Variants in IPO11 observed in about 807,000 individuals in gnomAD.
The protein encoded by IPO11 is importin 11.
A neutral mutation model predicts 143.2 loss-of-function variants in IPO11; 66 were observed. That is an observed-to-expected ratio of 0.46 (90% confidence interval 0.38 to 0.57). The LOEUF is 0.57. IPO11 is among the 20% of genes least tolerant of loss of function. IPO11 has a pLI of 0.00. For synonymous variants in IPO11, 385 were observed against 377.8 expected, an observed-to-expected ratio of 1.02 and a Z score of -0.22; for missense variants, 1,026 against 1,141.0, an observed-to-expected ratio of 0.90 and a Z score of 1.45.
chr5:62,454,854 ATTC>A (rs1261430223), intron 5 of IPO11, among the ~76,000 whole-genome samples: 1 of 151,994 alleles, frequency 6.6e-6, no homozygotes, highest in Non-Finnish European at 1.5e-5. Flanking sequence ...CAGGAGACTT[ATTC>A]TTATTAGATG....
At chr5:62,532,106 G>T (rs1314847475) in intron 22 of IPO11, among the ~76,000 whole-genome samples, 1 of 152,134 alleles carries the variant, frequency 6.6e-6, no homozygotes, top group Non-Finnish European at 1.5e-5. Context: ...ACATTCAGCT[G>T]CTTCCACATA....
intron 19 of IPO11, 101 bp downstream of exon 19, chr5:62,506,458 A>G (rs1741558645): frequency 9.4e-6 from 6 of 641,480 alleles, no homozygotes; most frequent in South Asian, 2.2e-5. Context: ...TAAAACATTA[A>G]TTGAAATGCT....
chr5:62,616,896 T>C (rs562910520), intron 29 of IPO11, among the ~76,000 whole-genome samples: 2 of 152,272 alleles, frequency 1.3e-5, no homozygotes, highest in African/African-American at 2.4e-5. Context: ...CTATAAATTA[T>C]TGATACACCA....
chr5:62,450,038 T>G, intron 4 of IPO11, 39 bp downstream of exon 4: 1 of 1,355,604 alleles, frequency 7.4e-7, no homozygotes, highest in Non-Finnish European at 1.0e-6. Flanking sequence ...TTTTTATTTG[T>G]ACTGCTTTTC....
rs78923587 is a variant in IPO11 at position 62,451,097 on chromosome 5, A to G, written c.313-633A>G. Among the ~76,000 whole-genome samples, 1,200 of 152,302 alleles carry G rather than the reference A, an allele frequency of 7.9e-3. 20 individuals carry two copies. Among genetic ancestry groups the G allele is most frequent in the African/African-American group, 0.027 (1,136 of 41,546 alleles). On this transcript the variant is annotated intron_variant, in intron 4 of 29. Coordinates refer to ENST00000325324, the MANE Select transcript of IPO11 (RefSeq NM_016338.5). ...CTGCCTAATTGTTCTTTCAGCTAGC[A>G]TTTGGGAAACACTGATATGTAGAAA...
intron 5 of IPO11, among the ~76,000 whole-genome samples, chr5:62,464,347 G>T (rs1395590976): frequency 6.6e-6 from 1 of 151,572 alleles, no homozygotes; most frequent in African/African-American, 2.4e-5. Flanking sequence ...CACGATGTTG[G>T]CCAGGATGGT....
At chr5:62,612,985 T>C (rs1580388028) in intron 29 of IPO11, among the ~76,000 whole-genome samples, 1 of 152,258 alleles carries the variant, frequency 6.6e-6, no homozygotes, top group African/African-American at 2.4e-5. Context: ...TGATAGATTA[T>C]ACCAAATTGC....
intron 27 of IPO11, among the ~76,000 whole-genome samples, chr5:62,565,184 A>ATT (rs1743891458): frequency 6.6e-6 from 1 of 152,200 alleles, no homozygotes; most frequent in Non-Finnish European, 1.5e-5. Flanking sequence ...AAATGGACCT[A>ATT]AAGAAATAAC....
intron 16 of IPO11, among the ~76,000 whole-genome samples, chr5:62,500,437 A>C (rs1741309085): frequency 6.6e-6 from 1 of 152,218 alleles, no homozygotes; most frequent in Non-Finnish European, 1.5e-5. Context: ...ATAAGCCAGT[A>C]ACGTAGTTGC....
At chr5:62,462,725 C>T (rs1745407103) in intron 5 of IPO11, among the ~76,000 whole-genome samples, 1 of 152,006 alleles carries the variant, frequency 6.6e-6, no homozygotes, top group Non-Finnish European at 1.5e-5. Context: ...AAATCTGACA[C>T]AATTTCAAAA....
At position 62,487,323 on chromosome 5, in the gene IPO11, G is replaced by A. The variant is rs184638919; in HGVS notation, c.1219-448G>A. 1.3e-3 allele frequency among the ~76,000 whole-genome samples: 198 copies of A among 152,132 alleles called. 1 individual carries two copies. The highest frequency in any genetic ancestry group is 4.3e-3 in the African/African-American group (177 of 41,484). ...AAGCAGGGGAATCGCTTGAACCTGG[G>A]AGGTGGAGGTTGCAGTGAGCCGAAA... On this transcript the variant is annotated intron_variant, in intron 12 of 29. Coordinates refer to ENST00000325324, the MANE Select transcript of IPO11 (RefSeq NM_016338.5).
intron 26 of IPO11, among the ~76,000 whole-genome samples, chr5:62,553,964 C>T (rs566037460): frequency 7.2e-5 from 11 of 152,260 alleles, no homozygotes; most frequent in African/African-American, 2.4e-4. Flanking sequence ...CTCCTGACCT[C>T]AGGTGATCTG....
intron 2 of IPO11, among the ~76,000 whole-genome samples, chr5:62,442,033 A>G (rs1744502110): frequency 6.6e-6 from 1 of 151,684 alleles, no homozygotes; most frequent in Admixed American, 6.6e-5. Flanking sequence ...TTTAGTAGAG[A>G]TGGGGTTTCA....
intron 1 of IPO11, 131 bp from the exon 2 acceptor site, chr5:62,437,143 A>C: frequency 1.7e-6 from 1 of 586,774 alleles, no homozygotes; most frequent in Admixed American, 3.5e-5. Context: ...AAAAGATAGA[A>C]AGGCAGAACA....
chr5:62,565,793 C>G (rs908181851), intron 27 of IPO11, among the ~76,000 whole-genome samples: 5 of 151,830 alleles, frequency 3.3e-5, no homozygotes, highest in African/African-American at 1.2e-4. Flanking sequence ...CCTACCCCCC[C>G]AACTGGCCCT....
At chr5:62,480,571 AGCATGGAAT>A (rs1446551252) in intron 9 of IPO11, among the ~76,000 whole-genome samples, 1 of 152,072 alleles carries the variant, frequency 6.6e-6, no homozygotes, top group Non-Finnish European at 1.5e-5. Context: ...CCTATCCACG[AGCATGGAAT>A]GTTCTTCTAT....
rs941938486 is a variant in IPO11, at chr5:62,560,985, C to A, written c.2461-151C>A. 57 of 569,542 alleles carry A rather than the reference C, an allele frequency of 1.0e-4. 1 individual carries two copies. Among genetic ancestry groups the A allele is most frequent in the Non-Finnish European group, 1.6e-4 (54 of 348,274 alleles). The allele number at this position is 569,542 out of a possible 1,614,324, so 35.3% of individuals were successfully genotyped here. A position where few individuals can be genotyped will look rare whatever the true frequency, so the allele number is the denominator to read the frequency against. ...TTGCTCAAATTATCCATTTCCAGCTCATGACTTAACCCCAGTTCAGGTATT... is the reference window on the plus strand; with the variant it reads ...TTGCTCAAATTATCCATTTCCAGCTAATGACTTAACCCCAGTTCAGGTATT... On this transcript the variant is annotated intron_variant, in intron 26 of 29. Coordinates refer to ENST00000325324, the MANE Select transcript of IPO11 (RefSeq NM_016338.5).
intron 26 of IPO11, among the ~76,000 whole-genome samples, chr5:62,556,536 T>G (rs531749606): frequency 7.2e-5 from 11 of 152,096 alleles, no homozygotes; most frequent in African/African-American, 2.7e-4. Flanking sequence ...GCCAGGAGCT[T>G]AAGACCAGGC....
chr5:62,548,743 G>A (rs952814451), intron 24 of IPO11, among the ~76,000 whole-genome samples: 1 of 152,132 alleles, frequency 6.6e-6, no homozygotes, highest in African/African-American at 2.4e-5. Context: ...GTTATATGAA[G>A]TAAATCTGGT....
Sources: allele counts gnomAD v4.1 joint callset (sites outside exome capture counted in the v4.1 genomes callset), GRCh38; gene constraint gnomAD v4.1.1; transcripts MANE v1.5; gene names NCBI Gene and HGNC (gene_info 2026-07-23, HGNC 2026-07-21).